TTC34: variants seen among roughly 807,000 people sequenced by gnomAD.
The protein encoded by TTC34 is tetratricopeptide repeat protein 34.
Under a neutral mutation model 40.7 loss-of-function variants are expected in TTC34, and 44 were observed. That is an observed-to-expected ratio of 1.08 (90% confidence interval 0.85 to 1.39). TTC34 has a LOEUF of 1.39. TTC34 is among the 40% of genes most tolerant of loss of function. The pLI, the probability that TTC34 is intolerant of heterozygous loss-of-function variation, is 0.00. For missense variants in TTC34, 884 were observed against 838.0 expected (o/e 1.05, Z -0.68); for synonymous variants, 422 against 398.6 (o/e 1.06, Z -0.70).
chr1:2,769,841 T>G (rs1306354162), intron 6 of TTC34, among the ~76,000 whole-genome samples: 354 of 29,246 alleles, frequency 0.012, no homozygotes, highest in African/African-American at 0.025. Context: ...AATCCCAGGT[T>G]AGCATCTGAC....
At chr1:2,797,919 T>C (rs1460600439) in intron 2 of TTC34, among the ~76,000 whole-genome samples, 1 of 152,014 alleles carries the variant, frequency 6.6e-6, no homozygotes, top group South Asian at 2.1e-4. Flanking sequence ...CACTTCTAAC[T>C]CTCAGACATG....
chr1:2,773,355 G>A (rs372774567), intron 6 of TTC34, among the ~76,000 whole-genome samples: 324 of 7,828 alleles, frequency 0.041, no homozygotes, highest in Admixed American at 0.052. Flanking sequence ...TGAGCATCTG[G>A]CAGCCTGGAG....
intron 6 of TTC34, among the ~76,000 whole-genome samples, chr1:2,699,083 GC>G (rs1245390488): frequency 3.5e-5 from 1 of 28,630 alleles, no homozygotes; most frequent in Non-Finnish European, 9.2e-5. Context: ...CCGGAGCAGC[GC>G]CCACACACCC....
intron 6 of TTC34, among the ~76,000 whole-genome samples, chr1:2,675,386 G>A (rs1639868767): frequency 8.7e-6 from 1 of 114,794 alleles, no homozygotes; most frequent in African/African-American, 3.5e-5. Flanking sequence ...CTGACAGCCT[G>A]GAACAGCACG....
intron 6 of TTC34, among the ~76,000 whole-genome samples, chr1:2,655,047 G>T: frequency 7.7e-6 from 1 of 130,414 alleles, no homozygotes; most frequent in African/African-American, 2.9e-5. Context: ...GGAACAGCAC[G>T]CTGCACCCCC....
chr1:2,655,576 C>T (rs1235729508), intron 6 of TTC34, among the ~76,000 whole-genome samples: 2,625 of 147,474 alleles, frequency 0.018, no homozygotes, highest in African/African-American at 0.066. Flanking sequence ...CTCACAACCC[C>T]AGGTTAGCAT....
At chr1:2,694,978 A>C (rs201230632) in intron 6 of TTC34, among the ~76,000 whole-genome samples, 868 of 70,316 alleles carry the variant, frequency 0.012, no homozygotes, top group Non-Finnish European at 0.022. Context: ...GACAGCCTGG[A>C]GCAGCACCCT....
intron 2 of TTC34, among the ~76,000 whole-genome samples, chr1:2,794,453 G>A (rs774019911): frequency 2.6e-5 from 4 of 152,170 alleles, no homozygotes; most frequent in African/African-American, 9.7e-5. Context: ...TATAAATAAT[G>A]TTTTGCATAT....
intron 6 of TTC34, among the ~76,000 whole-genome samples, chr1:2,754,861 C>A (rs1330316680): frequency 0.029 from 1,610 of 56,164 alleles, no homozygotes; most frequent in African/African-American, 0.051. Context: ...ACCCACATGC[C>A]CAGCTGAGCC....
intron 6 of TTC34, among the ~76,000 whole-genome samples, chr1:2,753,088 AC>A (rs1641379313): frequency 3.5e-5 from 1 of 28,916 alleles, no homozygotes; most frequent in African/African-American, 1.4e-4. Flanking sequence ...TGGAACGGCA[AC>A]CACACCCCCA....
At chr1:2,773,182 A>G (rs1642577366) in intron 6 of TTC34, among the ~76,000 whole-genome samples, 1 of 135,804 alleles carries the variant, frequency 7.4e-6, no homozygotes, top group Non-Finnish European at 1.6e-5. Flanking sequence ...CCACACCCCC[A>G]GGTGAGCATG....
At chr1:2,691,804 G>T (rs374108161) in intron 6 of TTC34, among the ~76,000 whole-genome samples, 2 of 83,084 alleles carry the variant, frequency 2.4e-5, no homozygotes, top group South Asian at 3.8e-4. Flanking sequence ...GCATCCGACA[G>T]CCTGGAGCAG....
intron 6 of TTC34, among the ~76,000 whole-genome samples, chr1:2,773,166 C>G (rs1269466805): frequency 1.5e-5 from 2 of 133,028 alleles, no homozygotes; most frequent in African/African-American, 2.7e-5. Flanking sequence ...CAGCCTGGAG[C>G]AGCGCCCACA....
chr1:2,649,467 C>T (rs1639084126), intron 6 of TTC34, among the ~76,000 whole-genome samples: 1 of 150,566 alleles, frequency 6.6e-6, no homozygotes, highest in Non-Finnish European at 1.5e-5. Flanking sequence ...TGAAACCCTC[C>T]AGCAGCACTC....
chr1:2,791,660 T>C (rs1643664654), intron 2 of TTC34, among the ~76,000 whole-genome samples: 1 of 152,146 alleles, frequency 6.6e-6, no homozygotes, highest in Non-Finnish European at 1.5e-5. Flanking sequence ...ACTTTGAGCC[T>C]TTCCTGCCAG....
At chr1:2,759,951 G>GGTGTGCATCTGATGGTCTGGAGCA (rs1641640533) in intron 6 of TTC34, among the ~76,000 whole-genome samples, 3 of 75,556 alleles carry the variant, frequency 4.0e-5, no homozygotes, top group Non-Finnish European at 8.1e-5. Context: ...AGCCTGGAAA[G>GGTGTGCATCTGATGGTCTGGAGCA]GCACCCACAC....
At chr1:2,769,697 G>C (rs1641988236) in intron 6 of TTC34, among the ~76,000 whole-genome samples, 1 of 143,520 alleles carries the variant, frequency 7.0e-6, no homozygotes, top group Non-Finnish European at 1.5e-5. Flanking sequence ...TGACAGTCTG[G>C]AGCAGCACCC....
chr1:2,757,765 T>C (rs1314016393), intron 6 of TTC34, among the ~76,000 whole-genome samples: 17 of 142,934 alleles, frequency 1.2e-4, no homozygotes, highest in Admixed American at 1.4e-4. Flanking sequence ...CAGGCGAGCA[T>C]CTGAACCCAC....
chr1:2,787,798 G>T, intron 3 of TTC34, 92 bp from the exon 4 acceptor site: 2 of 1,140,522 alleles, frequency 1.8e-6, no homozygotes, highest in Non-Finnish European at 2.4e-6. Flanking sequence ...CCGTCTCCAT[G>T]TACCTGGCCT....
Sources: allele counts gnomAD v4.1 joint callset (sites outside exome capture counted in the v4.1 genomes callset), GRCh38; gene constraint gnomAD v4.1.1; transcripts MANE v1.5; gene names NCBI Gene and HGNC (gene_info 2026-07-23, HGNC 2026-07-21).